The following SEZ6L variants were observed in gnomAD, a reference collection of about 807,000 sequenced individuals.
The protein encoded by SEZ6L is seizure 6-like protein.
Under a neutral mutation model 106.2 loss-of-function variants are expected in SEZ6L, and 37 were observed. That is an observed-to-expected ratio of 0.35 (90% confidence interval 0.27 to 0.46). The LOEUF (loss-of-function observed/expected upper bound fraction) is 0.46, where lower values mean the gene tolerates loss of function less well. SEZ6L is among the 20% of genes least tolerant of loss of function. SEZ6L has a pLI of 1.00. For missense variants in SEZ6L, 1,172 were observed against 1,332.8 expected (o/e 0.88, Z 1.88); for synonymous variants, 541 against 570.4 (o/e 0.95, Z 0.73).
At chr22:26,273,351 G>A (rs2080433057) in intron 1 of SEZ6L, among the ~76,000 whole-genome samples, 1 of 152,248 alleles carries the variant, frequency 6.6e-6, no homozygotes, top group African/African-American at 2.4e-5. Context: ...GTGGGGAGCT[G>A]ACAATGGCCA....
At chr22:26,348,650 G>GAAAGAA (rs2083126317) in intron 11 of SEZ6L, among the ~76,000 whole-genome samples, 18 of 18,880 alleles carry the variant, frequency 9.5e-4, no homozygotes, top group South Asian at 2.0e-3. Flanking sequence ...GAAAGAAAAA[G>GAAAGAA]AAAGAAAGAA....
At chr22:26,261,309 A>T (rs1214826701) in intron 1 of SEZ6L, among the ~76,000 whole-genome samples, 1 of 152,208 alleles carries the variant, frequency 6.6e-6, no homozygotes, top group Non-Finnish European at 1.5e-5. Flanking sequence ...GTCTTTGCCT[A>T]AGCCAATGTC....
intron 1 of SEZ6L, among the ~76,000 whole-genome samples, chr22:26,232,492 G>A (rs375128304): frequency 1.4e-4 from 21 of 151,940 alleles, no homozygotes; most frequent in African/African-American, 2.4e-5. Flanking sequence ...GCCATGTGCC[G>A]CATAACAACA....
chr22:26,231,770 C>T (rs1198908590), intron 1 of SEZ6L, among the ~76,000 whole-genome samples: 1 of 152,230 alleles, frequency 6.6e-6, no homozygotes, highest in South Asian at 2.1e-4. Context: ...TCCTTGCCTG[C>T]CCCCACGATG....
At chr22:26,271,439 T>C (rs2080363846) in intron 1 of SEZ6L, among the ~76,000 whole-genome samples, 1 of 152,174 alleles carries the variant, frequency 6.6e-6, no homozygotes, top group Non-Finnish European at 1.5e-5. Context: ...TGGATATGTG[T>C]CCCCTCCAAA....
intron 9 of SEZ6L, among the ~76,000 whole-genome samples, chr22:26,318,176 C>G (rs548394163): frequency 6.6e-6 from 1 of 151,888 alleles, no homozygotes; most frequent in African/African-American, 2.4e-5. Flanking sequence ...TGGGTTCAAG[C>G]GATTCTCCTG....
At chr22:26,286,701 C>T (rs182138962) in intron 1 of SEZ6L, among the ~76,000 whole-genome samples, 27 of 150,038 alleles carry the variant, frequency 1.8e-4, no homozygotes, top group East Asian at 4.0e-4. Flanking sequence ...CATTCTGCTG[C>T]GGCTGGGGAT....
chr22:26,338,200 C>T (rs1204278107), intron 9 of SEZ6L, among the ~76,000 whole-genome samples: 1 of 152,312 alleles, frequency 6.6e-6, no homozygotes, highest in African/African-American at 2.4e-5. Context: ...AGTGTCTCCC[C>T]GTCTCCTGCA....
At chr22:26,371,548 C>T (rs1191191919) in intron 13 of SEZ6L, among the ~76,000 whole-genome samples, 1 of 152,072 alleles carries the variant, frequency 6.6e-6, no homozygotes, top group Admixed American at 6.5e-5. Flanking sequence ...AGGAGAATCG[C>T]TTGAAACCGG....
chr22:26,235,868 A>G (rs2145756833), intron 1 of SEZ6L, among the ~76,000 whole-genome samples: 1 of 152,314 alleles, frequency 6.6e-6, no homozygotes, highest in South Asian at 2.1e-4. Context: ...CCAAGCGGAA[A>G]AAGAAGGAAT....
chr22:26,282,085 C>A (rs1601369403), intron 1 of SEZ6L, among the ~76,000 whole-genome samples: 1 of 152,172 alleles, frequency 6.6e-6, no homozygotes, highest in African/African-American at 2.4e-5. Context: ...TGCACATGGG[C>A]AAACATCTCT....
chr22:26,339,242 C>CA (rs970971148), intron 9 of SEZ6L, among the ~76,000 whole-genome samples: 14 of 150,388 alleles, frequency 9.3e-5, no homozygotes, highest in Non-Finnish European at 1.3e-4. Flanking sequence ...AGTAGATGCT[C>CA]AAAAAAACAA....
intron 9 of SEZ6L, among the ~76,000 whole-genome samples, chr22:26,316,473 C>T (rs1373742843): frequency 2.6e-5 from 4 of 152,106 alleles, no homozygotes; most frequent in African/African-American, 9.7e-5. Flanking sequence ...ATCAGGAGGG[C>T]TTCCAGGAGG....
In SEZ6L at chr22:26,338,496, C is replaced by T. The variant is rs555602238; in HGVS notation, c.2016-1940C>T. On this transcript the variant is annotated intron_variant, in intron 9 of 16. Transcript: ENST00000248933. Reference sequence around the variant, plus strand: ...CACTGTAGCCTCAAACTTCTGGGCTCAAGCAATCCTCCTGCCTCAGCCTCC... The same window carrying T: ...CACTGTAGCCTCAAACTTCTGGGCTTAAGCAATCCTCCTGCCTCAGCCTCC... Among the ~76,000 whole-genome samples, 13 of 152,250 alleles carry T rather than the reference C, an allele frequency of 8.5e-5. No homozygotes were observed. The South Asian group carries it at 2.7e-3, about 32-fold the overall frequency.
intron 13 of SEZ6L, among the ~76,000 whole-genome samples, chr22:26,366,088 T>C (rs967994834): frequency 6.6e-6 from 1 of 152,104 alleles, no homozygotes; most frequent in Non-Finnish European, 1.5e-5. Context: ...TCCCAACACT[T>C]TGGGAGGCTG....
chr22:26,213,599 G>T (rs1431991879), intron 1 of SEZ6L, among the ~76,000 whole-genome samples: 2 of 152,096 alleles, frequency 1.3e-5, no homozygotes, highest in Non-Finnish European at 2.9e-5. Flanking sequence ...TTTCTTCCTT[G>T]ACAAGAAGGA....
intron 1 of SEZ6L, among the ~76,000 whole-genome samples, chr22:26,261,416 AC>A (rs1569427523): frequency 6.6e-6 from 1 of 152,154 alleles, no homozygotes; most frequent in African/African-American, 2.4e-5. Flanking sequence ...GTATAAGGTG[AC>A]TGATGAGGAT....
At chr22:26,373,549 G>A (rs991298754) in intron 14 of SEZ6L, 66 bp downstream of exon 14, 12 of 1,227,724 alleles carry the variant, frequency 9.8e-6, no homozygotes, top group African/African-American at 4.6e-5. Flanking sequence ...ACAAGGGCAG[G>A]TCTTTGAATA....
Position 26,360,688 on chromosome 22 carries a change from G to A in SEZ6L, c.2600-4684G>A, listed in dbSNP as rs555140625. 2.0e-4 allele frequency among the ~76,000 whole-genome samples: 30 copies of A among 152,282 alleles called. No homozygotes were observed. The South Asian group carries it at 5.8e-3, about 29-fold the overall frequency. ...AAAAAGCCTCCCCGACCAGGGGGCGGGAAAGTGAGGCTTCTCCTGTGCGCT... is the reference window on the plus strand; with the variant it reads ...AAAAAGCCTCCCCGACCAGGGGGCGAGAAAGTGAGGCTTCTCCTGTGCGCT... On this transcript the variant is annotated intron_variant, in intron 12 of 16. Coordinates refer to ENST00000248933, the MANE Select transcript of SEZ6L (RefSeq NM_021115.5).
Sources: allele counts gnomAD v4.1 joint callset (sites outside exome capture counted in the v4.1 genomes callset), GRCh38; gene constraint gnomAD v4.1.1; transcripts MANE v1.5; gene names NCBI Gene and HGNC (gene_info 2026-07-23, HGNC 2026-07-21).